The following SH3GL2 variants were observed in gnomAD, a reference collection of about 807,000 sequenced individuals.
SH3GL2 encodes SH3 domain containing GRB2 like 2, endophilin A1.
Under a neutral mutation model 46.0 loss-of-function variants are expected in SH3GL2, and 24 were observed. The observed-to-expected ratio is 0.52, with a 90% confidence interval of 0.38 to 0.73. SH3GL2 has a LOEUF of 0.73. Among genes scored for constraint, SH3GL2 ranks in the 30% least tolerant of loss-of-function variants. SH3GL2 has a pLI of 0.00. For synonymous variants in SH3GL2, 196 were observed against 147.1 expected (o/e 1.33, Z -2.40); for missense variants, 413 against 424.2 (o/e 0.97, Z 0.23).
intron 3 of SH3GL2, among the ~76,000 whole-genome samples, chr9:17,768,908 G>C (rs995341129): frequency 6.6e-6 from 1 of 152,168 alleles, no homozygotes; most frequent in South Asian, 2.1e-4. Context: ...CACTTATGTG[G>C]GTTACAAAGT....
At chr9:17,687,988 G>C (rs1820966492) in intron 1 of SH3GL2, among the ~76,000 whole-genome samples, 1 of 152,066 alleles carries the variant, frequency 6.6e-6, no homozygotes, top group Non-Finnish European at 1.5e-5. Flanking sequence ...AAAAGTAAGG[G>C]CAAAGATTGT....
intron 1 of SH3GL2, among the ~76,000 whole-genome samples, chr9:17,743,544 T>G (rs886861893): frequency 2.0e-5 from 3 of 150,402 alleles, no homozygotes; most frequent in African/African-American, 4.9e-5. Context: ...TTCCTTTCCC[T>G]CTCTTCTTCC....
In SH3GL2 at chr9:17,619,689, AAAAT is replaced by A. The variant is rs1554630694; in HGVS notation, c.45+40406_45+40409del. On this transcript the variant is annotated intron_variant, in intron 1 of 8. Transcript: ENST00000380607. The stretch of plus-strand genomic sequence containing the variant: ...TGAAACTCCATCTCAAAAAAAAAAT[AAAAT>A]AAAATAAGTGAGTGAACCATAAATT... 3.4e-5 allele frequency among the ~76,000 whole-genome samples: 5 copies of A among 149,022 alleles called. 1 individual carries two copies. Among genetic ancestry groups the A allele is most frequent in the African/African-American group, 1.0e-4 (4 of 39,096 alleles).
chr9:17,652,721 C>A (rs1819985123), intron 1 of SH3GL2, among the ~76,000 whole-genome samples: 1 of 152,106 alleles, frequency 6.6e-6, no homozygotes, highest in Admixed American at 6.5e-5. Context: ...CATTAGAGTT[C>A]AGATTTTCAG....
chr9:17,793,560 G>C, intron 8 of SH3GL2, 63 bp downstream of exon 8: 1 of 1,505,834 alleles, frequency 6.6e-7, no homozygotes, highest in South Asian at 1.2e-5. Flanking sequence ...CACTCTTCCA[G>C]AAATTTTAGG....
At chr9:17,787,220 G>A (rs1461862618) in intron 4 of SH3GL2, among the ~76,000 whole-genome samples, 160 bp from the exon 5 acceptor site, 2 of 152,184 alleles carry the variant, frequency 1.3e-5, no homozygotes, top group East Asian at 1.9e-4. Flanking sequence ...GGGGCATTGA[G>A]TCTGTTGCCT....
intron 1 of SH3GL2, among the ~76,000 whole-genome samples, chr9:17,667,954 T>G (rs1388056626): frequency 1.3e-5 from 2 of 152,248 alleles, no homozygotes; most frequent in Non-Finnish European, 2.9e-5. Flanking sequence ...TATGTTTTAT[T>G]TAGAGAAACG....
At chr9:17,579,352 G>C (rs1818230303) in intron 1 of SH3GL2, 65 bp downstream of exon 1, 2 of 1,198,424 alleles carry the variant, frequency 1.7e-6, no homozygotes, top group African/African-American at 1.6e-5. Flanking sequence ...CGCGCTCGGC[G>C]CTGGCCGTCC....
intron 1 of SH3GL2, among the ~76,000 whole-genome samples, chr9:17,581,964 G>GC (rs1376429118): frequency 5.9e-5 from 9 of 152,154 alleles, no homozygotes; most frequent in African/African-American, 2.2e-4. Context: ...TACAGGCTGA[G>GC]CCCCCGCACC....
intron 2 of SH3GL2, among the ~76,000 whole-genome samples, chr9:17,752,562 G>A (rs1588302049): frequency 6.6e-6 from 1 of 151,988 alleles, no homozygotes; most frequent in Admixed American, 6.6e-5. Flanking sequence ...TAGTAGCTCA[G>A]TCATAGCTCA....
chr9:17,654,705 A>G (rs1392028213), intron 1 of SH3GL2, among the ~76,000 whole-genome samples: 1 of 152,248 alleles, frequency 6.6e-6, no homozygotes, highest in Non-Finnish European at 1.5e-5. Context: ...CACTGACTGT[A>G]TGAACCAGTA....
At chr9:17,736,153 C>G (rs1822328147) in intron 1 of SH3GL2, among the ~76,000 whole-genome samples, 1 of 151,954 alleles carries the variant, frequency 6.6e-6, no homozygotes, top group Non-Finnish European at 1.5e-5. Context: ...GACATTCAGC[C>G]CAAGATTATA....
At chr9:17,638,683 A>G (rs1188434467) in intron 1 of SH3GL2, among the ~76,000 whole-genome samples, 1 of 152,216 alleles carries the variant, frequency 6.6e-6, no homozygotes, top group East Asian at 1.9e-4. Context: ...CTAAGGCCAT[A>G]CCACCAGCCT....
chr9:17,773,101 T>G (rs1231994433), intron 3 of SH3GL2, among the ~76,000 whole-genome samples: 1 of 152,138 alleles, frequency 6.6e-6, no homozygotes, highest in Non-Finnish European at 1.5e-5. Flanking sequence ...TTAACCACCT[T>G]TTTATGTGCT....
chr9:17,618,523 C>A (rs1588177281), intron 1 of SH3GL2, among the ~76,000 whole-genome samples: 1 of 152,116 alleles, frequency 6.6e-6, no homozygotes, highest in African/African-American at 2.4e-5. Flanking sequence ...TGTGACGTTT[C>A]TTCATAATTC....
Position 17,606,404 on chromosome 9 carries a change from C to G in SH3GL2, c.45+27117C>G, listed in dbSNP as rs79907483. Among the ~76,000 whole-genome samples the G allele has an allele frequency of 6.7e-3, 1,021 of 152,196 alleles. 16 individuals carry two copies. Among genetic ancestry groups the G allele is most frequent in the African/African-American group, 0.023 (971 of 41,540 alleles). ...CCATGCCCGCTCAGACCCCACAACT[C>G]CCAAGGCCAATTAAACCAGAAGCTT... On this transcript the variant is annotated intron_variant, in intron 1 of 8. Transcript: ENST00000380607.
At chr9:17,698,896 C>T (rs1209263253) in intron 1 of SH3GL2, among the ~76,000 whole-genome samples, 2 of 152,010 alleles carry the variant, frequency 1.3e-5, no homozygotes, top group Non-Finnish European at 2.9e-5. Context: ...ATGGCTCATG[C>T]CTGTAATCCC....
At chr9:17,653,567 T>A (rs887509543) in intron 1 of SH3GL2, among the ~76,000 whole-genome samples, 5 of 152,174 alleles carry the variant, frequency 3.3e-5, no homozygotes, top group African/African-American at 1.2e-4. Context: ...TTAATTCCTC[T>A]GGAGTTATTA....
intron 1 of SH3GL2, among the ~76,000 whole-genome samples, chr9:17,657,464 C>T (rs569599840): frequency 6.6e-6 from 1 of 152,234 alleles, no homozygotes; most frequent in East Asian, 1.9e-4. Flanking sequence ...CAGAGGCAGG[C>T]TGATGAGGTT....
Sources: allele counts gnomAD v4.1 joint callset (sites outside exome capture counted in the v4.1 genomes callset), GRCh38; gene constraint gnomAD v4.1.1; transcripts MANE v1.5; gene names NCBI Gene and HGNC (gene_info 2026-07-23, HGNC 2026-07-21).